MAML3: variants seen among roughly 807,000 people sequenced by gnomAD.
The protein encoded by MAML3 is mastermind like transcriptional coactivator 3, also known as mastermind-like protein 3.
In MAML3, 27 loss-of-function variants were observed where a neutral mutation model predicts 101.9. The observed-to-expected ratio is 0.27, with a 90% CI of 0.20 to 0.37. The LOEUF is 0.37. Among genes scored for constraint, MAML3 ranks in the 10% least tolerant of loss-of-function variants. The probability of loss-of-function intolerance (pLI) is 1.00; values close to 1 mark genes in which losing one functional copy is unlikely to be tolerated. For synonymous variants in MAML3, 501 were observed against 555.9 expected (o/e 0.90, Z 1.39); for missense variants, 1,316 against 1,444.9 (o/e 0.91, Z 1.45).
intron 1 of MAML3, among the ~76,000 whole-genome samples, chr4:140,136,086 T>G (rs1454919754): frequency 1.3e-5 from 2 of 152,182 alleles, no homozygotes; most frequent in African/African-American, 4.8e-5. Context: ...CCCCTCACAC[T>G]GATCTCTGGT....
intron 1 of MAML3, among the ~76,000 whole-genome samples, chr4:139,897,927 G>A (rs1274108322): frequency 6.6e-6 from 1 of 152,096 alleles, no homozygotes; most frequent in East Asian, 1.9e-4. Context: ...CAGTTCCCAG[G>A]ACATACCACA....
intron 2 of MAML3, among the ~76,000 whole-genome samples, chr4:139,880,655 G>A (rs918128612): frequency 2.6e-5 from 4 of 152,156 alleles, no homozygotes; most frequent in African/African-American, 9.7e-5. Context: ...TATTTGACAT[G>A]TGTAAATTTT....
intron 1 of MAML3, among the ~76,000 whole-genome samples, chr4:140,149,834 G>C (rs1270151090): frequency 6.6e-6 from 1 of 151,768 alleles, no homozygotes; most frequent in African/African-American, 2.4e-5. Context: ...CTCTATTTTT[G>C]AGATTTTACC....
intron 1 of MAML3, among the ~76,000 whole-genome samples, chr4:140,124,226 AC>A (rs1461558704): frequency 6.6e-6 from 1 of 152,124 alleles, no homozygotes; most frequent in Non-Finnish European, 1.5e-5. Context: ...AATCCACCAC[AC>A]TACGCACACT....
rs11942327 is a variant in MAML3, at chr4:140,072,796, C to T, written c.468+80064G>A. 6.2e-3 allele frequency among the ~76,000 whole-genome samples: 951 copies of T among 152,272 alleles called. 12 individuals carry two copies. The highest frequency in any genetic ancestry group is 0.021 in the African/African-American group (890 of 41,536). ...CTGTCAGGGGGTCCTGTAGCCATCCCCCATGGACACCAAGGGACAGCTGTA... is the reference window on the plus strand; with the variant it reads ...CTGTCAGGGGGTCCTGTAGCCATCCTCCATGGACACCAAGGGACAGCTGTA... On this transcript the variant is annotated intron_variant, in intron 1 of 4. Coordinates refer to ENST00000509479, the MANE Select transcript of MAML3 (RefSeq NM_018717.5).
rs1426020126 is a variant in MAML3, at chr4:139,864,533, GGGTGTGGT to G, written c.2079+24816_2079+24823del. ...TCTACTAAAAATACAAAAATTAGCTGGGTGTGGTGGTGTGTACCTGTAATTCCAGCTAC... is the reference window on the plus strand; with the variant it reads ...TCTACTAAAAATACAAAAATTAGCTGGGTGTGTACCTGTAATTCCAGCTAC... On this transcript the variant is annotated intron_variant, in intron 2 of 4. Coordinates refer to ENST00000509479, the MANE Select transcript of MAML3 (RefSeq NM_018717.5). Among the ~76,000 whole-genome samples the G allele has an allele frequency of 1.3e-4, 20 of 152,104 alleles. No individual in the cohort carries two copies. In the East Asian group the frequency reaches 3.9e-3, roughly 29 times the overall value.
intron 1 of MAML3, among the ~76,000 whole-genome samples, chr4:139,960,526 G>C (rs1460897802): frequency 6.6e-6 from 1 of 152,182 alleles, no homozygotes; most frequent in Non-Finnish European, 1.5e-5. Flanking sequence ...TTCCAATTTA[G>C]GCTGTGGGAT....
chr4:140,036,080 C>T lies in MAML3; in HGVS notation c.468+116780G>A, dbSNP rs776388434. 3.7e-4 allele frequency among the ~76,000 whole-genome samples: 56 copies of T among 152,334 alleles called. 2 individuals are homozygous for T. The highest frequency in any genetic ancestry group is 4.3e-4 in the Non-Finnish European group (29 of 68,034). On this transcript the variant is annotated intron_variant, in intron 1 of 4. Transcript: ENST00000509479. Reference sequence around the variant, plus strand: ...GATTCCTTTTCTAAATGACTGGCCACTGTTACAGCCTTATTCTGTTGTCAA... The same window carrying T: ...GATTCCTTTTCTAAATGACTGGCCATTGTTACAGCCTTATTCTGTTGTCAA...
At position 139,829,025 on chromosome 4, in the gene MAML3, G is replaced by A. The variant is rs1273453116; in HGVS notation, c.2079+60332C>T. On this transcript the variant is annotated intron_variant, in intron 2 of 4. Coordinates refer to ENST00000509479, the MANE Select transcript of MAML3 (RefSeq NM_018717.5). Reference sequence around the variant, plus strand: ...AGGAAGGAAGGAAGGAAGGAAGGACGGACGGACGGACTAAGGGAGGGAGGG... The same window carrying A: ...AGGAAGGAAGGAAGGAAGGAAGGACAGACGGACGGACTAAGGGAGGGAGGG... 6.5e-5 allele frequency among the ~76,000 whole-genome samples: 5 copies of A among 76,776 alleles called. 1 individual carries two copies. Among genetic ancestry groups the A allele is most frequent in the East Asian group, 4.0e-4 (1 of 2,500 alleles). 50.4% of individuals were successfully genotyped at this position (76,776 alleles called of 152,430 possible). A position where few individuals can be genotyped will look rare whatever the true frequency, so the allele number is the denominator to read the frequency against.
intron 1 of MAML3, among the ~76,000 whole-genome samples, chr4:140,147,398 A>T (rs75371601): frequency 0.011 from 1,702 of 152,324 alleles, 31 homozygotes; most frequent in African/African-American, 0.039. Context: ...TGATTGTTTC[A>T]TTAGTTCTGA....
intron 2 of MAML3, among the ~76,000 whole-genome samples, chr4:139,877,895 AT>A (rs1284622127): frequency 6.6e-6 from 1 of 152,192 alleles, no homozygotes; most frequent in African/African-American, 2.4e-5. Flanking sequence ...CCATCCCAAT[AT>A]TTAATCTTAT....
At chr4:139,911,510 G>A (rs905629027) in intron 1 of MAML3, among the ~76,000 whole-genome samples, 11 of 152,122 alleles carry the variant, frequency 7.2e-5, no homozygotes, top group Non-Finnish European at 1.3e-4. Context: ...GAGCCACTGC[G>A]CCCAGCCCAG....
intron 2 of MAML3, among the ~76,000 whole-genome samples, chr4:139,850,540 C>CA (rs1553960240): frequency 6.8e-6 from 1 of 147,868 alleles, no homozygotes; most frequent in African/African-American, 2.5e-5. Context: ...ATATATTCTT[C>CA]TTTTTTTTTT....
At chr4:139,791,351 G>T (rs1410723104) in intron 2 of MAML3, among the ~76,000 whole-genome samples, 2 of 151,952 alleles carry the variant, frequency 1.3e-5, no homozygotes, top group African/African-American at 2.4e-5. Context: ...ACAGAAATTA[G>T]CCAGGCATGG....
chr4:139,727,216 G>A (rs1476366544), intron 3 of MAML3, among the ~76,000 whole-genome samples: 3 of 152,136 alleles, frequency 2.0e-5, no homozygotes, highest in Non-Finnish European at 4.4e-5. Flanking sequence ...CCTCTGACTC[G>A]TTGACCCCAT....
chr4:139,937,392 G>GTT (rs949562371), intron 1 of MAML3, among the ~76,000 whole-genome samples: 19 of 143,628 alleles, frequency 1.3e-4, no homozygotes, highest in African/African-American at 1.5e-4. Flanking sequence ...TAGCAAAGGA[G>GTT]TTTTTTTTTT....
At chr4:139,804,464 A>C (rs920849387) in intron 2 of MAML3, among the ~76,000 whole-genome samples, 1 of 151,944 alleles carries the variant, frequency 6.6e-6, no homozygotes, top group African/African-American at 2.4e-5. Context: ...ACGGGGTTTC[A>C]CCATCTTGGC....
chr4:139,827,113 C>T (rs1731074578), intron 2 of MAML3, among the ~76,000 whole-genome samples: 1 of 152,076 alleles, frequency 6.6e-6, no homozygotes, highest in Admixed American at 6.5e-5. Context: ...GGTGGCTTCC[C>T]TGGCACAGTG....
intron 2 of MAML3, among the ~76,000 whole-genome samples, chr4:139,816,527 G>A (rs941525793): frequency 1.3e-5 from 2 of 152,148 alleles, no homozygotes; most frequent in Admixed American, 6.5e-5. Flanking sequence ...CATGGCAGCG[G>A]TGGGGGAGGG....
Sources: gnomAD v4.1 joint callset for allele counts (sites outside exome capture counted in the v4.1 genomes callset) on GRCh38, gnomAD v4.1.1 for gene constraint, MANE v1.5 for transcripts, NCBI Gene and HGNC (gene_info 2026-07-23, HGNC 2026-07-21) for gene names.